Variants in ITGA8 observed in about 807,000 individuals in gnomAD.
ITGA8 encodes integrin subunit alpha 8, also known as integrin alpha-8.
Under a neutral mutation model 142.3 loss-of-function variants are expected in ITGA8, and 91 were observed. That is an observed-to-expected ratio of 0.64 (90% CI 0.54 to 0.76). The LOEUF is 0.76. Ranked by LOEUF, ITGA8 falls within the 30% of genes least tolerant of loss-of-function variation. The pLI is 0.00. For synonymous variants in ITGA8, 505 were observed against 485.2 expected (o/e 1.04, Z -0.54); for missense variants, 1,406 against 1,327.7 (o/e 1.06, Z -0.92).
intron 13 of ITGA8, among the ~76,000 whole-genome samples, chr10:15,633,387 A>G (rs1370679654): frequency 1.3e-5 from 2 of 152,206 alleles, no homozygotes; most frequent in Non-Finnish European, 2.9e-5. Context: ...TCATTACATA[A>G]AACTGAAACA....
Position 15,531,515 on chromosome 10 carries a change from C to T in ITGA8, c.2881-364G>A, listed in dbSNP as rs569565441. Among the ~76,000 whole-genome samples, 9 of 144,270 alleles carry T rather than the reference C, an allele frequency of 6.2e-5. No individual in the cohort carries two copies. The South Asian group carries it at 2.0e-3, about 31-fold the overall frequency. The allele number at this position is 144,270 out of a possible 152,430, so 94.6% of individuals were successfully genotyped here. On this transcript the variant is annotated intron_variant, in intron 27 of 29. Transcript: ENST00000378076. Reference sequence around the variant, plus strand: ...AAAATAAAAACAGAAAATCAGAGTCCTAAAAAGGAGCAAGCAAAGAATTTA... The same window carrying T: ...AAAATAAAAACAGAAAATCAGAGTCTTAAAAAGGAGCAAGCAAAGAATTTA...
chr10:15,550,606 G>A (rs369082254), intron 26 of ITGA8, among the ~76,000 whole-genome samples: 2 of 152,290 alleles, frequency 1.3e-5, no homozygotes, highest in East Asian at 1.9e-4. Flanking sequence ...CCTGGCCCAC[G>A]ATTCTGTTGT....
intron 13 of ITGA8, among the ~76,000 whole-genome samples, chr10:15,627,174 G>A (rs985516489): frequency 6.6e-6 from 1 of 152,096 alleles, no homozygotes; most frequent in Non-Finnish European, 1.5e-5. Flanking sequence ...ACACAGGCCA[G>A]GATCCACTGA....
Position 15,513,964 on chromosome 10 carries a change from T to A in ITGA8, c.*3194A>T, listed in dbSNP as rs998448074. On this transcript the variant is annotated 3_prime_UTR_variant, in exon 30 of 30. Coordinates refer to ENST00000378076, the MANE Select transcript of ITGA8 (RefSeq NM_003638.3). ...AAGTATGCCATCAAGTCTTTCAGTTTTAATTTTATTAGTGACAAGGTAAAT... is the reference window on the plus strand; with the variant it reads ...AAGTATGCCATCAAGTCTTTCAGTTATAATTTTATTAGTGACAAGGTAAAT... The A allele has an allele frequency of 2.0e-5, 3 of 152,224 alleles. No individual in the cohort carries two copies. The highest frequency in any genetic ancestry group is 4.4e-5 in the Non-Finnish European group (3 of 68,036). 9.4% of individuals were successfully genotyped at this position (152,224 alleles called of 1,614,324 possible). A position where few individuals can be genotyped will look rare whatever the true frequency, so the allele number is the denominator to read the frequency against.
At chr10:15,718,981 G>C in intron 1 of ITGA8, 82 bp from the exon 2 acceptor site, 6 of 1,579,902 alleles carry the variant, frequency 3.8e-6, no homozygotes, top group Non-Finnish European at 5.2e-6. Flanking sequence ...CCTCCTGCCC[G>C]GGGACACTGG....
intron 3 of ITGA8, among the ~76,000 whole-genome samples, chr10:15,684,558 A>G (rs1470388854): frequency 6.6e-6 from 1 of 152,006 alleles, no homozygotes; most frequent in Non-Finnish European, 1.5e-5. Context: ...TTTTTTGTAG[A>G]GACAGAATCT....
In ITGA8 at chr10:15,718,982, G is replaced by A. The variant is rs541168773; in HGVS notation, c.210-83C>T. 3.8e-4 allele frequency: 609 copies of A among 1,583,904 alleles called. 1 individual carries two copies. Among genetic ancestry groups the A allele is most frequent in the Middle Eastern group, 1.4e-3 (7 of 5,062 alleles). On this transcript the variant is annotated intron_variant, in intron 1 of 29. Coordinates refer to ENST00000378076, the MANE Select transcript of ITGA8 (RefSeq NM_003638.3). ...TGCAGTCTCTGTAACCTCCTGCCCG[G>A]GGACACTGGGGCAGGCGTGGAGGGC...
At chr10:15,660,773 A>C (rs1042394760) in intron 9 of ITGA8, 106 bp downstream of exon 9, 1 of 913,032 alleles carries the variant, frequency 1.1e-6, no homozygotes, top group Non-Finnish European at 1.7e-6. Context: ...TGTGTTTTCA[A>C]CTGACAGTAT....
intron 13 of ITGA8, among the ~76,000 whole-genome samples, chr10:15,631,745 A>G (rs1050837467): frequency 2.0e-5 from 3 of 151,266 alleles, no homozygotes; most frequent in Non-Finnish European, 4.4e-5. Flanking sequence ...CATGGCCAAG[A>G]GGACTCTATG....
At chr10:15,663,965 C>T (rs956399373) in intron 8 of ITGA8, among the ~76,000 whole-genome samples, 37 of 151,928 alleles carry the variant, frequency 2.4e-4, no homozygotes, top group Admixed American at 2.6e-4. Context: ...TAGATTTGAC[C>T]TTTTTTCAAG....
chr10:15,555,438 G>A (rs1365419215), intron 26 of ITGA8, among the ~76,000 whole-genome samples: 2 of 152,180 alleles, frequency 1.3e-5, no homozygotes, highest in Non-Finnish European at 2.9e-5. Flanking sequence ...AAAAAAACAT[G>A]CCACCTACCC....
intron 2 of ITGA8, among the ~76,000 whole-genome samples, chr10:15,710,913 C>T (rs1035621955): frequency 2.0e-5 from 3 of 152,142 alleles, no homozygotes; most frequent in Non-Finnish European, 4.4e-5. Context: ...TCCTGGAAGT[C>T]AGGGCAGACT....
chr10:15,525,876 A>C (rs1231973250), intron 28 of ITGA8, among the ~76,000 whole-genome samples: 2 of 152,112 alleles, frequency 1.3e-5, no homozygotes, highest in Non-Finnish European at 1.5e-5. Context: ...ACATTTTTTT[A>C]CTAAGTCTCC....
intron 8 of ITGA8, 125 bp from the exon 9 acceptor site, chr10:15,661,047 G>T: frequency 1.2e-6 from 1 of 859,108 alleles, no homozygotes; most frequent in Non-Finnish European, 1.9e-6. Flanking sequence ...ACAGAGCAGG[G>T]GTCCCCAAGC....
Position 15,681,036 on chromosome 10 carries a change from C to T in ITGA8, c.569-2253G>A, listed in dbSNP as rs114992859. 2.5e-3 allele frequency among the ~76,000 whole-genome samples: 384 copies of T among 152,040 alleles called. 2 individuals are homozygous for T. The highest frequency in any genetic ancestry group is 8.8e-3 in the African/African-American group (366 of 41,444). On this transcript the variant is annotated intron_variant, in intron 4 of 29. Coordinates refer to ENST00000378076, the MANE Select transcript of ITGA8 (RefSeq NM_003638.3). Reference sequence around the variant, plus strand: ...TTGCTACTATTTGTTGACGTCTTACCCAACAAATGGAAGGGTGTGTGTATG... The same window carrying T: ...TTGCTACTATTTGTTGACGTCTTACTCAACAAATGGAAGGGTGTGTGTATG...
intron 26 of ITGA8, 110 bp from the exon 27 acceptor site, chr10:15,548,678 A>C: frequency 1.6e-6 from 1 of 628,678 alleles, no homozygotes; most frequent in Non-Finnish European, 2.7e-6. Context: ...CCTTATGATA[A>C]ATTATTAATG....
At chr10:15,592,387 C>G (rs1045331941) in intron 21 of ITGA8, 83 bp from the exon 22 acceptor site, 1 of 988,056 alleles carries the variant, frequency 1.0e-6, no homozygotes, top group Non-Finnish European at 1.5e-6. Flanking sequence ...AAAACCCCAC[C>G]CTGGATCACT....
chr10:15,521,396 C>T (rs1180660826), intron 28 of ITGA8, among the ~76,000 whole-genome samples: 1 of 152,110 alleles, frequency 6.6e-6, no homozygotes, highest in African/African-American at 2.4e-5. Context: ...TTTTATTGCT[C>T]CTTCCTTCTT....
chr10:15,517,043 C>CAAA lies in ITGA8; in HGVS notation c.*114_*115insTTT. 1.5e-5 allele frequency: 8 copies of CAAA among 551,538 alleles called. No homozygotes were observed. The highest frequency in any genetic ancestry group is 7.3e-5 in the South Asian group (2 of 27,302). The allele number at this position is 551,538 out of a possible 1,614,324, so 34.2% of individuals were successfully genotyped here. A position where few individuals can be genotyped will look rare whatever the true frequency, so the allele number is the denominator to read the frequency against. On this transcript the variant is annotated 3_prime_UTR_variant, in exon 30 of 30. Transcript: ENST00000378076. ...GAGGTGATGTTTCCAGGGTCCCCTC[C>CAAA]ATTTCCTGGGTCACTGTCAGGTATC...
Sources: gnomAD v4.1 joint callset for allele counts (sites outside exome capture counted in the v4.1 genomes callset) on GRCh38, gnomAD v4.1.1 for gene constraint, MANE v1.5 for transcripts, NCBI Gene and HGNC (gene_info 2026-07-23, HGNC 2026-07-21) for gene names.